Variants in TIE1 observed in about 807,000 individuals in gnomAD.
The protein encoded by TIE1 is tyrosine kinase with immunoglobulin like and EGF like domains 1, also known as tyrosine-protein kinase receptor Tie-1.
Under a neutral mutation model 130.5 loss-of-function variants are expected in TIE1, and 89 were observed. The ratio of observed to expected loss-of-function variants is 0.68; its 90% CI spans 0.57 to 0.81. The LOEUF is 0.81. TIE1 is among the 40% of genes least tolerant of loss of function. The probability of loss-of-function intolerance (pLI) is 0.00; values close to 1 mark genes in which losing one functional copy is unlikely to be tolerated. For synonymous variants in TIE1, 568 were observed against 629.4 expected (o/e 0.90, Z 1.46); for missense variants, 1,392 against 1,559.8 (o/e 0.89, Z 1.81).
At position 43,316,073 on chromosome 1, in the gene TIE1, GAT is replaced by G. The variant is rs1306312745; in HGVS notation, c.2410-1121_2410-1120del. Among the ~76,000 whole-genome samples, 2 of 152,134 alleles carry G rather than the reference GAT, an allele frequency of 1.3e-5. No homozygotes were observed. The highest frequency in any genetic ancestry group is 4.8e-5 in the African/African-American group (2 of 41,424). On this transcript the variant is annotated intron_variant, in intron 14 of 22. Coordinates refer to ENST00000372476, the MANE Select transcript of TIE1 (RefSeq NM_005424.5). The surrounding 1 kb of genome is among the most constrained non-coding windows in gnomAD (Gnocchi z 4.4). ...GACCTTGTCTCAAAACAAACAAAAA[GAT>G]ATATCCCTGGTACATGTGCCTGCAT... is the stretch of plus-strand genomic sequence containing the variant.
chr1:43,307,394 C>A lies in TIE1; in HGVS notation c.773-38C>A, dbSNP rs1331169056. On this transcript the variant is annotated intron_variant, in intron 5 of 22. Transcript: ENST00000372476. The surrounding 1 kb of genome is among the most constrained non-coding windows in gnomAD (Gnocchi z 5.4). ...ACAGGCAGGTCCTGGGCCCAGGGGCCCACAGAGGCCCATACACCCCACACA... is the reference window on the plus strand; with the variant it reads ...ACAGGCAGGTCCTGGGCCCAGGGGCACACAGAGGCCCATACACCCCACACA... 6.2e-7 allele frequency: 1 copy of A among 1,612,656 alleles called. No individual in the cohort carries two copies. The highest frequency in any genetic ancestry group is 1.7e-5 in the Admixed American group (1 of 59,980).
intron 9 of TIE1, among the ~76,000 whole-genome samples, chr1:43,310,879 C>A (rs1003982304): frequency 8.5e-5 from 13 of 152,188 alleles, no homozygotes; most frequent in Non-Finnish European, 1.6e-4. Flanking sequence ...GCATCCTTTT[C>A]CTCCCTCGCT....
Position 43,313,186 on chromosome 1 carries a change from T to C in TIE1, c.1979T>C (p.Ile660Thr), listed in dbSNP as rs1646817899. 6.2e-7 allele frequency: 1 copy of C among 1,613,478 alleles called. No individual in the cohort carries two copies. The highest frequency in any genetic ancestry group is 8.5e-7 in the Non-Finnish European group (1 of 1,179,826). ...GCCCAGGCCCTCTCAGACTCCGAGA[T>C]CCAGCTGACATGGAAGCACCCGGAG... is the stretch of plus-strand genomic sequence containing the variant. The part of the protein sequence containing the change: ...LHAQALSDSE[I>T]QLTWKHPEAL... The change falls in exon 13 of 23, where the codon ATC becomes ACC. Residue 660 changes from isoleucine to threonine, a missense_variant. By Grantham distance (89) the Ile-to-Thr change is moderately conservative (BLOSUM62 -1). Transcript: ENST00000372476. The surrounding 1 kb of genome is among the most constrained non-coding windows in gnomAD (Gnocchi z 6.2).
At position 43,317,163 on chromosome 1, in the gene TIE1, C is replaced by G; in HGVS notation, c.2410-36C>G. On this transcript the variant is annotated intron_variant, in intron 14 of 22. Coordinates refer to ENST00000372476, the MANE Select transcript of TIE1 (RefSeq NM_005424.5). This position sits in a 1 kb window ranked among gnomAD's most constrained non-coding sequence, Gnocchi z 5.1. ...CTCCTTCCGCCCCCTTTGACTCTTGCGTGGACCGTCTGCCCTCTTGTCTCA... is the reference window on the plus strand; with the variant it reads ...CTCCTTCCGCCCCCTTTGACTCTTGGGTGGACCGTCTGCCCTCTTGTCTCA... 2 of 1,606,632 alleles carry G rather than the reference C, an allele frequency of 1.2e-6. No homozygotes were observed. The highest frequency in any genetic ancestry group is 1.7e-6 in the Non-Finnish European group (2 of 1,173,990).
At position 43,316,793 on chromosome 1, in the gene TIE1, G is replaced by T. The variant is rs1646861986; in HGVS notation, c.2410-406G>T. 6.6e-6 allele frequency among the ~76,000 whole-genome samples: 1 copy of T among 152,150 alleles called. No individual in the cohort carries two copies. Among genetic ancestry groups the T allele is most frequent in the African/African-American group, 2.4e-5 (1 of 41,436 alleles). On this transcript the variant is annotated intron_variant, in intron 14 of 22. Coordinates refer to ENST00000372476, the MANE Select transcript of TIE1 (RefSeq NM_005424.5). This position sits in a 1 kb window ranked among gnomAD's most constrained non-coding sequence, Gnocchi z 4.4. Reference sequence around the variant, plus strand: ...AACAACAACAAAAAGCCTGGTTGTAGGATTAGCACAGTCATAGGAAGCTCA... The same window carrying T: ...AACAACAACAAAAAGCCTGGTTGTATGATTAGCACAGTCATAGGAAGCTCA...
In TIE1 at chr1:43,313,134, G is replaced by C. The variant is rs549535804; in HGVS notation, c.1928-1G>C. The C allele has an allele frequency of 1.9e-6, 3 of 1,598,682 alleles. No homozygotes were observed. The highest frequency in any genetic ancestry group is 1.1e-5 in the South Asian group (1 of 87,988). On this transcript the variant is annotated splice_acceptor_variant, in intron 12 of 22. Coordinates refer to ENST00000372476, the MANE Select transcript of TIE1 (RefSeq NM_005424.5). LOFTEE classifies it high-confidence loss of function. This position sits in a 1 kb window ranked among gnomAD's most constrained non-coding sequence, Gnocchi z 6.2. ...CTTGCCTTCCCCCACCATCTCCCCAGGGCCTCCAGCCCCCCGACACCTCCA... is the reference window on the plus strand; with the variant it reads ...CTTGCCTTCCCCCACCATCTCCCCACGGCCTCCAGCCCCCCGACACCTCCA...
At position 43,312,405 on chromosome 1, in the gene TIE1, C is replaced by T. The variant is rs764734223; in HGVS notation, c.1731C>T (p.Gly577=). Residue 577 remains glycine (G), a synonymous_variant, in exon 12 of 23, where the codon GGC becomes GGT. Coordinates refer to ENST00000372476, the MANE Select transcript of TIE1 (RefSeq NM_005424.5). This position sits in a 1 kb window ranked among gnomAD's most constrained non-coding sequence, Gnocchi z 5.6. ...CCTTGGTGCCCGGGCCACTGGTGGG[C>T]GACGGTTTCCTGCTGCGCCTGTGGG... is the stretch of plus-strand genomic sequence containing the variant. ...SLPLVPGPLV[G]DGFLLRLWDG... The T allele has an allele frequency of 6.2e-6, 10 of 1,607,182 alleles. No individual in the cohort carries two copies. The highest frequency in any genetic ancestry group is 1.3e-5 in the African/African-American group (1 of 74,868).
rs975057164 is a variant in TIE1, at chr1:43,315,685, A to G, written c.2410-1514A>G. ...AAAAAAAAATCCATTCAGAGATTCA[A>G]TTGGCTTCTTTGTTCCAAGCTGTGT... On this transcript the variant is annotated intron_variant, in intron 14 of 22. Coordinates refer to ENST00000372476, the MANE Select transcript of TIE1 (RefSeq NM_005424.5). The surrounding 1 kb of genome is among the most constrained non-coding windows in gnomAD (Gnocchi z 4.4). Among the ~76,000 whole-genome samples the G allele has an allele frequency of 5.9e-5, 9 of 152,088 alleles. No homozygotes were observed. Among genetic ancestry groups the G allele is most frequent in the Admixed American group, 2.6e-4 (4 of 15,276 alleles).
At chr1:43,304,656 A>T (rs1646705283) in intron 1 of TIE1, among the ~76,000 whole-genome samples, 195 bp from the exon 2 acceptor site, 1 of 150,920 alleles carries the variant, frequency 6.6e-6, no homozygotes, top group African/African-American at 2.4e-5. Flanking sequence ...AGGGGAAAGG[A>T]GGGGGATGGG....
chr1:43,309,958 G>A lies in TIE1; in HGVS notation c.1333+426G>A, dbSNP rs1646771888. ...AGAGGGTGACCAGCTTGGCTTCCTA[G>A]AAGTGGTGCATGCCTAGAAATCTTC... On this transcript the variant is annotated intron_variant, in intron 9 of 22. Coordinates refer to ENST00000372476, the MANE Select transcript of TIE1 (RefSeq NM_005424.5). The surrounding 1 kb of genome is among the most constrained non-coding windows in gnomAD (Gnocchi z 6.3). 1.3e-5 allele frequency among the ~76,000 whole-genome samples: 2 copies of A among 152,072 alleles called. No individual in the cohort carries two copies. The highest frequency in any genetic ancestry group is 4.8e-5 in the African/African-American group (2 of 41,410).
Position 43,309,479 on chromosome 1 carries a change from G to A in TIE1, c.1280G>A (p.Arg427His), listed in dbSNP as rs550355457. The change falls in exon 9 of 23, where the codon CGT (arginine) becomes CAT (histidine). Residue 427 changes from arginine to histidine, a missense_variant. By Grantham distance (29) the Arg-to-His change is conservative (BLOSUM62 0). Transcript: ENST00000372476. This position sits in a 1 kb window ranked among gnomAD's most constrained non-coding sequence, Gnocchi z 6.3. ...GCGGACAGTGGGTTCTGGGAGTGCC[G>A]TGTGTCCACATCTGGCGGCCAAGAC... is the stretch of plus-strand genomic sequence containing the variant. ...VLADSGFWEC[R>H]VSTSGGQDSR... The A allele has an allele frequency of 2.4e-5, 38 of 1,610,022 alleles. No homozygotes were observed. The highest frequency in any genetic ancestry group is 4.4e-5 in the South Asian group (4 of 90,470).
At position 43,307,454 on chromosome 1, in the gene TIE1, G is replaced by A. The variant is rs941907146; in HGVS notation, c.795G>A (p.Gly265=). The A allele has an allele frequency of 1.2e-6, 2 of 1,614,022 alleles. No individual in the cohort carries two copies. Among genetic ancestry groups the A allele is most frequent in the African/African-American group, 2.7e-5 (2 of 74,936 alleles). The change falls in exon 6 of 23, where the codon GGG becomes GGA. Residue 265 remains glycine (G), a synonymous_variant. Coordinates refer to ENST00000372476, the MANE Select transcript of TIE1 (RefSeq NM_005424.5). This position sits in a 1 kb window ranked among gnomAD's most constrained non-coding sequence, Gnocchi z 5.4. The part of the protein sequence containing the change: ...CEQACREGRF[G]QSCQEQCPGI... ...TAGCCTGCAGAGAGGGCCGTTTTGG[G>A]CAGAGCTGCCAGGAGCAGTGCCCAG...
chr1:43,312,422 G>A lies in TIE1; in HGVS notation c.1748G>A (p.Arg583His), dbSNP rs778237770. The change falls in exon 12 of 23, where the codon CGC becomes CAC. Residue 583 changes from arginine to histidine, a missense_variant. Physicochemically the swap from Arg to His is conservative, Grantham distance 29. Transcript: ENST00000372476. The surrounding 1 kb of genome is among the most constrained non-coding windows in gnomAD (Gnocchi z 5.6). Reference protein sequence around the residue: ...GPLVGDGFLLRLWDGTRGQER... With the variant: ...GPLVGDGFLLHLWDGTRGQER... Reference sequence around the variant, plus strand: ...CTGGTGGGCGACGGTTTCCTGCTGCGCCTGTGGGACGGGACACGGGGGCAG... The same window carrying A: ...CTGGTGGGCGACGGTTTCCTGCTGCACCTGTGGGACGGGACACGGGGGCAG... The A allele has an allele frequency of 1.5e-5, 24 of 1,610,584 alleles. No individual in the cohort carries two copies. Among genetic ancestry groups the A allele is most frequent in the East Asian group, 2.2e-5 (1 of 44,840 alleles).
chr1:43,308,090 T>C (rs1570434600), intron 7 of TIE1, among the ~76,000 whole-genome samples, 166 bp downstream of exon 7: 2 of 152,082 alleles, frequency 1.3e-5, no homozygotes, highest in South Asian at 2.1e-4. Flanking sequence ...GGAGTCAGTC[T>C]GGTAGGGAGT....
intron 10 of TIE1, 77 bp from the exon 11 acceptor site, chr1:43,311,917 G>C: frequency 6.4e-7 from 1 of 1,570,842 alleles, no homozygotes; most frequent in Non-Finnish European, 8.7e-7. Context: ...CAAATGGTGC[G>C]AGGGGGCTGA....
intron 1 of TIE1, among the ~76,000 whole-genome samples, chr1:43,304,647 G>C (rs1646705059): frequency 6.6e-6 from 1 of 152,136 alleles, no homozygotes; most frequent in South Asian, 2.1e-4. Flanking sequence ...GCGCATGGAA[G>C]GGGAAAGGAG....
At position 43,319,557 on chromosome 1, in the gene TIE1, G is replaced by C. The variant is rs780991692; in HGVS notation, c.3107+28G>C. On this transcript the variant is annotated intron_variant, in intron 19 of 22. Coordinates refer to ENST00000372476, the MANE Select transcript of TIE1 (RefSeq NM_005424.5). The surrounding 1 kb of genome is among the most constrained non-coding windows in gnomAD (Gnocchi z 4.7). ...GAGTGTGAGATGAGAGGGCACAGGA[G>C]GGCTTGGCCCCCAAGAATCACCCAG... 3.7e-6 allele frequency: 6 copies of C among 1,610,954 alleles called. No homozygotes were observed. The South Asian group carries it at 6.6e-5, about 18-fold the overall frequency.
chr1:43,317,788 T>C lies in TIE1; in HGVS notation c.2732-94T>C. The C allele has an allele frequency of 1.3e-6, 2 of 1,503,752 alleles. No individual in the cohort carries two copies. Among genetic ancestry groups the C allele is most frequent in the South Asian group, 1.2e-5 (1 of 82,976 alleles). The allele number at this position is 1,503,752 out of a possible 1,614,324, so 93.2% of individuals were successfully genotyped here. ...CTGGTGACCTGTGCACCACCCTTGA[T>C]CCTCCTTCATCCCTGTCTGTTACCA... On this transcript the variant is annotated intron_variant, in intron 16 of 22. Transcript: ENST00000372476. The surrounding 1 kb of genome is among the most constrained non-coding windows in gnomAD (Gnocchi z 5.1).
In TIE1 at chr1:43,307,152, T is replaced by C; in HGVS notation, c.651T>C (p.Ala217=). Residue 217 remains alanine (A), a synonymous_variant, in exon 5 of 23, where the codon GCT becomes GCC. Coordinates refer to ENST00000372476, the MANE Select transcript of TIE1 (RefSeq NM_005424.5). The surrounding 1 kb of genome is among the most constrained non-coding windows in gnomAD (Gnocchi z 5.4). ...FFRLIVRGCG[A]GRWGPGCTKE... ...GACACCTTCCTCCAGGTTGTGGGGC[T>C]GGGCGCTGGGGGCCAGGCTGTACCA... 6.2e-7 allele frequency: 1 copy of C among 1,614,006 alleles called. No homozygotes were observed. The highest frequency in any genetic ancestry group is 8.5e-7 in the Non-Finnish European group (1 of 1,179,968).
Sources: allele counts gnomAD v4.1 joint callset (sites outside exome capture counted in the v4.1 genomes callset), GRCh38; gene constraint gnomAD v4.1.1; non-coding constraint Gnocchi (gnomAD v3.1); transcripts MANE v1.5; gene names NCBI Gene and HGNC (gene_info 2026-07-23, HGNC 2026-07-21).